The following CEACAM21 variants were observed in gnomAD, a reference collection of about 807,000 sequenced individuals.
CEACAM21 encodes the protein cell adhesion molecule CEACAM21.
A neutral mutation model predicts 33.2 loss-of-function variants in CEACAM21; 38 were observed. The observed-to-expected ratio is 1.14, with a 90% CI of 0.88 to 1.50. CEACAM21 has a LOEUF of 1.50. Ranked by LOEUF, CEACAM21 falls within the 40% of genes most tolerant of loss-of-function variation. The pLI, the probability that CEACAM21 is intolerant of heterozygous loss-of-function variation, is 0.00. For missense variants in CEACAM21, 385 were observed against 364.6 expected, an observed-to-expected ratio of 1.06 and a Z score of -0.46; for synonymous variants, 156 against 143.0, an observed-to-expected ratio of 1.09 and a Z score of -0.65.
At chr19:41,567,479 G>A (rs1450245382) in intron 2 of CEACAM21, among the ~76,000 whole-genome samples, 1 of 152,180 alleles carries the variant, frequency 6.6e-6, no homozygotes, top group Non-Finnish European at 1.5e-5. Flanking sequence ...AATCCGGGAT[G>A]AGAGTCCAAA....
At chr19:41,570,281 T>G (rs76667291) in intron 2 of CEACAM21, among the ~76,000 whole-genome samples, 71 of 152,272 alleles carry the variant, frequency 4.7e-4, no homozygotes, top group African/African-American at 1.7e-3. Flanking sequence ...AGTTCTGGAA[T>G]GTTTCAGGAA....
intron 2 of CEACAM21, among the ~76,000 whole-genome samples, chr19:41,565,763 A>G (rs1555788196): frequency 6.6e-6 from 1 of 152,198 alleles, no homozygotes; most frequent in Non-Finnish European, 1.5e-5. Flanking sequence ...ACCAGGAATC[A>G]TAACACATTT....
In CEACAM21 at chr19:41,585,883, C is replaced by T. The variant is rs2286478; in HGVS notation, c.*12C>T. On this transcript the variant is annotated intron_variant, in intron 6 of 6. Coordinates refer to ENST00000401445, the MANE Select transcript of CEACAM21 (RefSeq NM_001098506.4). ...GCTCCATCTCCTAGGTAAGACTGTCCGTTCCCAATCCCATTTCCACTGGGG... is the reference window on the plus strand; with the variant it reads ...GCTCCATCTCCTAGGTAAGACTGTCTGTTCCCAATCCCATTTCCACTGGGG... The T allele has an allele frequency of 2.2e-3, 3,577 of 1,612,390 alleles. 62 individuals carry two copies. The Admixed American group carries it at 0.035, about 16-fold the overall frequency.
At position 41,579,463 on chromosome 19, in the gene CEACAM21, T is replaced by C; in HGVS notation, c.535T>C (p.Phe179Leu). 1.2e-6 allele frequency: 2 copies of C among 1,613,866 alleles called. No individual in the cohort carries two copies. The highest frequency in any genetic ancestry group is 1.7e-6 in the Non-Finnish European group (2 of 1,179,858). ...CACTGGAACCTCTTTCCAGTGGATT[T>C]TCAACAACCAGCGTCTGCAGGTCAC... ...NNTGTSFQWI[F>L]NNQRLQVTKR... The change falls in exon 3 of 7, where the codon TTC becomes CTC. Residue 179 changes from phenylalanine (F) to leucine (L), a missense_variant. Physicochemically the swap from Phe to Leu is conservative, Grantham distance 22 (BLOSUM62 0). Transcript: ENST00000401445.
At chr19:41,565,257 C>G (rs1182742353) in intron 2 of CEACAM21, among the ~76,000 whole-genome samples, 1 of 152,044 alleles carries the variant, frequency 6.6e-6, no homozygotes, top group Non-Finnish European at 1.5e-5. Context: ...GCCACCGCTA[C>G]TCCAGGAGGC....
At chr19:41,583,178 G>T (rs1026932327) in intron 3 of CEACAM21, among the ~76,000 whole-genome samples, 7 of 152,100 alleles carry the variant, frequency 4.6e-5, no homozygotes, top group Non-Finnish European at 1.0e-4. Context: ...GATCTCTAGG[G>T]CAGGGGCAAA....
chr19:41,550,908 TA>T (rs1246725339), intron 1 of CEACAM21, among the ~76,000 whole-genome samples: 1 of 152,242 alleles, frequency 6.6e-6, no homozygotes, highest in African/African-American at 2.4e-5. Flanking sequence ...TTTTATTTCG[TA>T]TGATGGACTG....
At chr19:41,586,071 T>G in intron 6 of CEACAM21, 200 bp downstream of exon 6, 1 of 623,350 alleles carries the variant, frequency 1.6e-6, no homozygotes, top group Non-Finnish European at 2.9e-6. Context: ...CCTGGGACCC[T>G]CCATCACCTG....
chr19:41,576,411 T>TG, intron 1 of CEACAM21, 73 bp downstream of exon 1: 2 of 1,484,940 alleles, frequency 1.3e-6, no homozygotes, highest in Non-Finnish European at 1.8e-6. Context: ...CTGGGGAGGA[T>TG]GGGGCTCTGA....
chr19:41,563,536 T>G (rs782211915), intron 1 of CEACAM21, among the ~76,000 whole-genome samples: 9 of 152,232 alleles, frequency 5.9e-5, no homozygotes, highest in East Asian at 3.9e-4. Context: ...GAGAGACCCC[T>G]GCTCAGAGGC....
intron 3 of CEACAM21, among the ~76,000 whole-genome samples, chr19:41,582,466 C>T (rs782409527): frequency 4.6e-5 from 7 of 152,240 alleles, no homozygotes; most frequent in Non-Finnish European, 8.8e-5. Flanking sequence ...TCCAACCCCA[C>T]ATTTCCCTTC....
intron 1 of CEACAM21, 82 bp from the exon 2 acceptor site, chr19:41,577,118 T>G: frequency 6.6e-7 from 1 of 1,524,586 alleles, no homozygotes; most frequent in Non-Finnish European, 9.0e-7. Context: ...GGCTGAGGGG[T>G]GAAGAGACCT....
At chr19:41,579,773 T>A in intron 3 of CEACAM21, 145 bp downstream of exon 3, 1 of 644,918 alleles carries the variant, frequency 1.6e-6, no homozygotes, top group Non-Finnish European at 2.6e-6. Context: ...GGGATTAGAC[T>A]CATCCAGTTA....
rs782613223 is a variant in CEACAM21 at position 41,584,461 on chromosome 19, C to G, written c.797+18C>G. On this transcript the variant is annotated intron_variant, in intron 4 of 6. Coordinates refer to ENST00000401445, the MANE Select transcript of CEACAM21 (RefSeq NM_001098506.4). Reference sequence around the variant, plus strand: ...ACTGGCAGGTACCACAGCTTTTCCCCATTCTGCTCCCATCCTTCACGCTGA... The same window carrying G: ...ACTGGCAGGTACCACAGCTTTTCCCGATTCTGCTCCCATCCTTCACGCTGA... 1.1e-5 allele frequency: 17 copies of G among 1,588,798 alleles called. No homozygotes were observed. The highest frequency in any genetic ancestry group is 1.4e-5 in the Non-Finnish European group (16 of 1,165,558).
At chr19:41,571,430 C>T (rs2122204491), upstream of CEACAM21, among the ~76,000 whole-genome samples, 1 of 152,252 alleles carries the variant, frequency 6.6e-6, no homozygotes, top group East Asian at 1.9e-4. Context: ...CAGAATGACA[C>T]ACACTGAGTT....
chr19:41,583,302 C>T (rs1477722170), intron 3 of CEACAM21, among the ~76,000 whole-genome samples: 1 of 152,202 alleles, frequency 6.6e-6, no homozygotes, highest in East Asian at 1.9e-4. Context: ...GTCCATATCA[C>T]TATCAGCGTT....
intron 1 of CEACAM21, among the ~76,000 whole-genome samples, chr19:41,556,222 T>G (rs1555785577): frequency 6.6e-6 from 1 of 152,228 alleles, no homozygotes; most frequent in Non-Finnish European, 1.5e-5. Context: ...GGAGAGGAAT[T>G]CCTTTTAAAA....
chr19:41,556,788 T>C (rs1276498942), intron 1 of CEACAM21, among the ~76,000 whole-genome samples: 1 of 152,214 alleles, frequency 6.6e-6, no homozygotes, highest in East Asian at 1.9e-4. Flanking sequence ...AAGCAGGCAG[T>C]ATGAACTTCA....
Position 41,577,478 on chromosome 19 carries a change from G to C in CEACAM21, c.343G>C (p.Glu115Gln). 1 of 1,613,082 alleles carries C rather than the reference G, an allele frequency of 6.2e-7. No individual in the cohort carries two copies. Among genetic ancestry groups the C allele is most frequent in the South Asian group, 1.1e-5 (1 of 91,032 alleles). The change falls in exon 2 of 7, where the codon GAG becomes CAG. Residue 115 changes from glutamate (E) to glutamine (Q), a missense_variant. Transcript: ENST00000401445. ...TCTGCATTTCCAGAACGTCACCCTA[G>C]AGGACACGGGATACTACAACCTACA... ...GDLHFQNVTLEDTGYYNLQVT... is the reference protein window; with the variant it reads ...GDLHFQNVTLQDTGYYNLQVT...
Sources: gnomAD v4.1 joint callset for allele counts (sites outside exome capture counted in the v4.1 genomes callset) on GRCh38, gnomAD v4.1.1 for gene constraint, MANE v1.5 for transcripts, NCBI Gene and HGNC (gene_info 2026-07-23, HGNC 2026-07-21) for gene names.